Variants in ZFHX3 observed in about 807,000 individuals in gnomAD.
ZFHX3 encodes zinc finger homeobox 3, also known as zinc finger homeobox protein 3.
A neutral mutation model predicts 279.1 loss-of-function variants in ZFHX3; 42 were observed. The observed-to-expected ratio is 0.15, with a 90% CI of 0.12 to 0.19. ZFHX3 has a LOEUF of 0.19. ZFHX3 is among the 10% of genes least tolerant of loss of function. ZFHX3 has a pLI of 1.00. For synonymous variants in ZFHX3, 2,293 were observed against 1,957.8 expected (o/e 1.17, Z -4.52); for missense variants, 4,981 against 4,754.0 (o/e 1.05, Z -1.40).
intron 1 of ZFHX3, among the ~76,000 whole-genome samples, chr16:73,755,305 C>A (rs1335042630): frequency 6.6e-6 from 1 of 151,846 alleles, no homozygotes; most frequent in African/African-American, 2.4e-5. Context: ...ATATATAAAC[C>A]TGAATAAGAG....
chr16:72,893,370 A>G (rs1478109933), intron 3 of ZFHX3, among the ~76,000 whole-genome samples: 2 of 152,218 alleles, frequency 1.3e-5, no homozygotes, highest in Non-Finnish European at 2.9e-5. Flanking sequence ...GATGTGTGAG[A>G]GTTCTATTCC....
intron 2 of ZFHX3, among the ~76,000 whole-genome samples, chr16:72,954,533 G>A (rs769639176): frequency 6.6e-6 from 1 of 152,142 alleles, no homozygotes; most frequent in African/African-American, 2.4e-5. Context: ...CCTCAGGAAG[G>A]TGCATGGATT....
rs763258674 is a variant in ZFHX3 at position 72,794,059 on chromosome 16, A to G, written c.8623T>C (p.Leu2875=). ...TKSSSAPNEG[L]TKAAMMAMSE... ...ATTGCCATCATGGCCGCTTTGGTCA[A>G]CCCTTCGTTGGGTGCAGAAGAGGAT... The change falls in exon 9 of 10, where the codon TTG becomes CTG. Residue 2875 remains leucine, a synonymous_variant. Transcript: ENST00000268489. The surrounding 1 kb of genome is among the most constrained non-coding windows in gnomAD (Gnocchi z 4.2). 9.9e-6 allele frequency: 16 copies of G among 1,614,010 alleles called. No individual in the cohort carries two copies. In the Admixed American group the frequency reaches 1.2e-4, roughly 12 times the overall value.
chr16:73,515,880 C>A (rs2019512564), intron 2 of ZFHX3, among the ~76,000 whole-genome samples: 1 of 152,156 alleles, frequency 6.6e-6, no homozygotes, highest in Non-Finnish European at 1.5e-5. Context: ...GTCAAACAAG[C>A]CCATCTGGAA....
At position 72,960,057 on chromosome 16, in the gene ZFHX3, G is replaced by T; in HGVS notation, c.89C>A (p.Thr30Asn). Residue 30 changes from threonine (T) to asparagine (N), a missense_variant, in exon 2 of 10, where the codon ACC (threonine) becomes AAC (asparagine). Thr to Asn is a moderately conservative substitution (Grantham distance 65). Transcript: ENST00000268489. The stretch of plus-strand genomic sequence containing the variant: ...GCTACTGGGTTTGTCAGGGAGGTGG[G>T]TGCTGTTGAGTTCAGTCCATTGCTG... ...QHQQWTELNS[T>N]HLPDKPSSME... 2 of 1,614,056 alleles carry T rather than the reference G, an allele frequency of 1.2e-6. No individual in the cohort carries two copies. The highest frequency in any genetic ancestry group is 1.7e-6 in the Non-Finnish European group (2 of 1,179,960).
chr16:72,926,876 T>C (rs939509124), intron 3 of ZFHX3, among the ~76,000 whole-genome samples: 19 of 152,308 alleles, frequency 1.2e-4, no homozygotes, highest in Non-Finnish European at 2.2e-4. Context: ...TAGTTCTCTC[T>C]AGACCACTGA....
intron 7 of ZFHX3, among the ~76,000 whole-genome samples, chr16:72,806,335 C>T (rs770593397): frequency 6.6e-6 from 1 of 152,076 alleles, no homozygotes; most frequent in Non-Finnish European, 1.5e-5. Flanking sequence ...GATGGGAGAA[C>T]AGGAAACACA....
intron 1 of ZFHX3, among the ~76,000 whole-genome samples, chr16:73,045,277 G>A (rs566884416): frequency 6.6e-6 from 1 of 152,360 alleles, no homozygotes; most frequent in Non-Finnish European, 1.5e-5. Context: ...TGTAATCACA[G>A]ATTTATTCTA....
At chr16:72,889,512 G>T (rs2038716995) in intron 4 of ZFHX3, among the ~76,000 whole-genome samples, 1 of 148,396 alleles carries the variant, frequency 6.7e-6, no homozygotes, top group Non-Finnish European at 1.5e-5. Flanking sequence ...AAAAGAAGAA[G>T]AAGAAGAAAG....
At chr16:73,176,057 C>A (rs1967656824) in intron 5 of ZFHX3, among the ~76,000 whole-genome samples, 1 of 152,208 alleles carries the variant, frequency 6.6e-6, no homozygotes, top group African/African-American at 2.4e-5. Flanking sequence ...CTCTCCAAAT[C>A]CTGTATTTAC....
At chr16:73,053,687 A>C (rs1028604940) in intron 1 of ZFHX3, among the ~76,000 whole-genome samples, 2 of 152,162 alleles carry the variant, frequency 1.3e-5, no homozygotes, top group African/African-American at 4.8e-5. Context: ...CCCTAGGACG[A>C]GGCACAGCCA....
intron 3 of ZFHX3, among the ~76,000 whole-genome samples, chr16:73,441,046 C>A (rs989218334): frequency 1.3e-5 from 2 of 152,178 alleles, no homozygotes; most frequent in African/African-American, 4.8e-5. Context: ...CTTTTAAGCA[C>A]TGGGAACACG....
intron 1 of ZFHX3, among the ~76,000 whole-genome samples, chr16:73,737,287 T>G (rs988067269): frequency 1.3e-5 from 2 of 152,182 alleles, no homozygotes; most frequent in Admixed American, 6.5e-5. Flanking sequence ...TCTTCCTGCT[T>G]TGGCCTCTCA....
intron 8 of ZFHX3, among the ~76,000 whole-genome samples, chr16:73,074,380 G>C (rs1243463606): frequency 1.3e-5 from 2 of 152,138 alleles, no homozygotes; most frequent in Non-Finnish European, 2.9e-5. Context: ...AGATCCATTT[G>C]TTTCACTACA....
At chr16:72,953,828 C>T (rs534444370) in intron 2 of ZFHX3, among the ~76,000 whole-genome samples, 7 of 152,308 alleles carry the variant, frequency 4.6e-5, no homozygotes, top group East Asian at 3.9e-4. Context: ...TGGACTCCCA[C>T]AGTGTTGGGA....
chr16:73,365,905 T>C (rs2143325395), intron 3 of ZFHX3, among the ~76,000 whole-genome samples: 1 of 152,268 alleles, frequency 6.6e-6, no homozygotes, highest in South Asian at 2.1e-4. Context: ...CAGAGATGTA[T>C]CTACAAGAGT....
At chr16:73,735,012 C>A (rs961368329) in intron 1 of ZFHX3, among the ~76,000 whole-genome samples, 17 of 152,086 alleles carry the variant, frequency 1.1e-4, no homozygotes, top group African/African-American at 4.1e-4. Flanking sequence ...CAACAGACAA[C>A]TTGAAGAATA....
intron 2 of ZFHX3, among the ~76,000 whole-genome samples, chr16:73,579,735 C>T (rs1028004801): frequency 5.3e-5 from 8 of 149,846 alleles, no homozygotes; most frequent in Non-Finnish European, 1.0e-4. Context: ...ATCTCCTGAC[C>T]TCGTGATCCA....
chr16:73,688,612 G>A (rs941595972), intron 1 of ZFHX3, among the ~76,000 whole-genome samples: 2 of 152,056 alleles, frequency 1.3e-5, no homozygotes, highest in African/African-American at 4.8e-5. Flanking sequence ...GGACTTCCCA[G>A]ACCCTAAAAC....
Sources: gnomAD v4.1 joint callset for allele counts (sites outside exome capture counted in the v4.1 genomes callset) on GRCh38, gnomAD v4.1.1 for gene constraint, Gnocchi (gnomAD v3.1) non-coding constraint, MANE v1.5 for transcripts, NCBI Gene and HGNC (gene_info 2026-07-23, HGNC 2026-07-21) for gene names.